Variants in VPS8 observed in about 807,000 individuals in gnomAD.
The protein encoded by VPS8 is vacuolar protein sorting-associated protein 8 homolog.
A neutral mutation model predicts 216.4 loss-of-function variants in VPS8; 129 were observed. That is an observed-to-expected ratio of 0.60 (90% CI 0.52 to 0.69). VPS8 has a LOEUF of 0.69. Ranked by LOEUF, VPS8 falls within the 30% of genes least tolerant of loss-of-function variation. The pLI is 0.00. For missense variants in VPS8, 1,531 were observed against 1,683.5 expected (o/e 0.91, Z 1.59); for synonymous variants, 571 against 565.4 (o/e 1.01, Z -0.14).
At chr3:184,839,113 C>T (rs188065913) in intron 6 of VPS8, 9 of 211,558 alleles carry the variant, frequency 4.3e-5, no homozygotes, top group Admixed American at 1.7e-4. Flanking sequence ...GTACATTTAA[C>T]AGCTCTGGAT....
intron 2 of VPS8, chr3:184,825,182 A>G (rs13433785): frequency 0.23 from 46,067 of 197,092 alleles, 7,264 homozygotes; most frequent in Non-Finnish European, 0.35. Flanking sequence ...GTTTTATGAG[A>G]TAACATTACT....
At chr3:184,826,306 C>T in intron 3 of VPS8, 75 bp downstream of exon 3, 5 of 1,215,102 alleles carry the variant, frequency 4.1e-6, no homozygotes, top group South Asian at 1.4e-5. Flanking sequence ...AGTTATCATA[C>T]ATGCACCTAG....
intron 36 of VPS8, among the ~76,000 whole-genome samples, chr3:184,951,245 G>C (rs1744648445): frequency 6.6e-6 from 1 of 152,128 alleles, no homozygotes; most frequent in Non-Finnish European, 1.5e-5. Flanking sequence ...CAGCACTTTA[G>C]GAGGCTGAGG....
intron 42 of VPS8, among the ~76,000 whole-genome samples, chr3:184,990,925 G>A (rs1577080842): frequency 6.7e-6 from 1 of 148,304 alleles, no homozygotes; most frequent in African/African-American, 2.5e-5. Context: ...AAATTACACC[G>A]TTTTTTTTTT....
chr3:184,931,542 G>A (rs1740683460), intron 34 of VPS8, among the ~76,000 whole-genome samples: 1 of 152,122 alleles, frequency 6.6e-6, no homozygotes, highest in Admixed American at 6.6e-5. Context: ...TTTAGTTCCC[G>A]AAGGTTGTAA....
chr3:184,978,062 C>G (rs1375001231), intron 40 of VPS8, among the ~76,000 whole-genome samples: 2 of 151,540 alleles, frequency 1.3e-5, no homozygotes, highest in East Asian at 3.9e-4. Context: ...CCATCTGGTC[C>G]TGGCCTTTTT....
Position 184,838,732 on chromosome 3 carries a change from T to A in VPS8, c.466T>A (p.Leu156Met). The change falls in exon 6 of 48, where the codon TTG (leucine) becomes ATG (methionine). Residue 156 changes from leucine to methionine, a missense_variant. Leu to Met is a conservative substitution (Grantham distance 15, BLOSUM62 2). This residue lies in a region of VPS8 where 199 missense variants were observed against 182.2 expected (regional missense o/e 1.09). Coordinates refer to ENST00000625842, the MANE Select transcript of VPS8 (RefSeq NM_001009921.3). ...VSAADKVDAGLPTAIAVSSLI... is the reference protein window; with the variant it reads ...VSAADKVDAGMPTAIAVSSLI... ...CATTTAGGACAAAGTAGATGCTGGC[T>A]TGCCTACAGCAATTGTAAGTATACT... 6.5e-7 allele frequency: 1 copy of A among 1,544,026 alleles called. No homozygotes were observed. Among genetic ancestry groups the A allele is most frequent in the Non-Finnish European group, 8.7e-7 (1 of 1,145,320 alleles).
chr3:184,924,733 T>C lies in VPS8; in HGVS notation c.2455-129T>C, dbSNP rs1578265620. 1.1e-5 allele frequency: 13 copies of C among 1,195,328 alleles called. No homozygotes were observed. The East Asian group carries it at 3.4e-4, about 31-fold the overall frequency. The allele number at this position is 1,195,328 out of a possible 1,614,324, so 74.0% of individuals were successfully genotyped here. A position where few individuals can be genotyped will look rare whatever the true frequency, so the allele number is the denominator to read the frequency against. ...TCTAAATGGCGTTGAATTCAATTGT[T>C]GCACAGTCAATAAAAGAATCTTTTT... On this transcript the variant is annotated intron_variant, in intron 29 of 47. Transcript: ENST00000625842.
intron 47 of VPS8, among the ~76,000 whole-genome samples, chr3:185,050,404 T>C (rs1268933876): frequency 6.6e-6 from 1 of 152,174 alleles, no homozygotes; most frequent in Non-Finnish European, 1.5e-5. Context: ...TTTTGATAAA[T>C]TGACACTTAG....
chr3:185,042,861 G>A (rs1443799250), intron 46 of VPS8, among the ~76,000 whole-genome samples: 2 of 152,188 alleles, frequency 1.3e-5, no homozygotes, highest in African/African-American at 4.8e-5. Context: ...GCCTTTCAAA[G>A]CAGGTTGGGC....
At chr3:184,977,857 G>A (rs1749545696) in intron 40 of VPS8, among the ~76,000 whole-genome samples, 1 of 148,664 alleles carries the variant, frequency 6.7e-6, no homozygotes, top group African/African-American at 2.5e-5. Context: ...TGTTCATCAG[G>A]AATATTAGCC....
intron 43 of VPS8, among the ~76,000 whole-genome samples, chr3:184,994,435 G>A (rs1217493786): frequency 2.0e-5 from 3 of 151,200 alleles, no homozygotes; most frequent in East Asian, 3.9e-4. Context: ...AGGCTGCAGT[G>A]AGCTATGATT....
chr3:184,981,734 C>A (rs571400277), intron 40 of VPS8, among the ~76,000 whole-genome samples: 1 of 152,200 alleles, frequency 6.6e-6, no homozygotes, highest in South Asian at 2.1e-4. Flanking sequence ...CCATGCCTGG[C>A]CATTCATTAA....
chr3:185,003,026 CTGTTT>C (rs1206375187), intron 45 of VPS8, among the ~76,000 whole-genome samples: 1 of 152,170 alleles, frequency 6.6e-6, no homozygotes, highest in African/African-American at 2.4e-5. Context: ...AACCTCCATA[CTGTTT>C]TCCATAATAG....
At chr3:184,943,285 A>G (rs560792126) in intron 36 of VPS8, among the ~76,000 whole-genome samples, 1 of 152,350 alleles carries the variant, frequency 6.6e-6, no homozygotes, top group South Asian at 2.1e-4. Flanking sequence ...AAAGATGGGG[A>G]AAAAACTCAA....
intron 36 of VPS8, among the ~76,000 whole-genome samples, chr3:184,941,479 G>A (rs1742689933): frequency 1.4e-5 from 2 of 147,710 alleles, no homozygotes; most frequent in South Asian, 2.1e-4. Context: ...GAGTCAGTTC[G>A]GGCCCTTTTC....
intron 22 of VPS8, among the ~76,000 whole-genome samples, chr3:184,888,614 A>G (rs1255665812): frequency 6.6e-6 from 1 of 152,174 alleles, no homozygotes; most frequent in African/African-American, 2.4e-5. Context: ...CCTCATAAAT[A>G]CAGTGTAAAG....
intron 34 of VPS8, 88 bp downstream of exon 34, chr3:184,930,656 C>A: frequency 1.1e-6 from 1 of 887,456 alleles, no homozygotes; most frequent in Non-Finnish European, 1.8e-6. Context: ...TGGCATGTAT[C>A]ATATTAAGTT....
chr3:184,837,690 T>A (rs1363493963), intron 5 of VPS8, among the ~76,000 whole-genome samples: 1 of 152,164 alleles, frequency 6.6e-6, no homozygotes, highest in Non-Finnish European at 1.5e-5. Context: ...AAATAGAGTC[T>A]GTAGAGTCTG....
Sources: gnomAD v4.1 joint callset for allele counts (sites outside exome capture counted in the v4.1 genomes callset) on GRCh38, gnomAD v4.1.1 for gene constraint, gnomAD v4.1.1 regional missense constraint, MANE v1.5 for transcripts, NCBI Gene and HGNC (gene_info 2026-07-23, HGNC 2026-07-21) for gene names.